Variants in ROR2 observed in about 807,000 individuals in gnomAD.
ROR2 encodes the protein ROR family WNT receptor 2.
Under a neutral mutation model 74.9 loss-of-function variants are expected in ROR2, and 33 were observed. The observed-to-expected ratio is 0.44, with a 90% CI of 0.33 to 0.59. ROR2 has a LOEUF of 0.59. ROR2 is among the 20% of genes least tolerant of loss of function. The probability of loss-of-function intolerance (pLI) is 0.02; values close to 1 mark genes in which losing one functional copy is unlikely to be tolerated. For synonymous variants in ROR2, 586 were observed against 558.7 expected (o/e 1.05, Z -0.69); for missense variants, 1,216 against 1,313.8 (o/e 0.93, Z 1.15).
chr9:91,889,553 C>T (rs1359023595), intron 1 of ROR2, among the ~76,000 whole-genome samples: 5 of 152,210 alleles, frequency 3.3e-5, no homozygotes, highest in Non-Finnish European at 5.9e-5. Context: ...TCACTCTGTA[C>T]AGGCTGCATA....
chr9:91,899,307 G>A (rs118041535), intron 1 of ROR2, among the ~76,000 whole-genome samples: 2,806 of 152,320 alleles, frequency 0.018, 37 homozygotes, highest in Non-Finnish European at 0.029. Context: ...AGCTGAGGCT[G>A]GGCAGTTGTG....
chr9:91,846,957 T>C (rs1828952067), intron 1 of ROR2, among the ~76,000 whole-genome samples: 1 of 152,062 alleles, frequency 6.6e-6, no homozygotes. Context: ...GCCCTTCTGG[T>C]ACCCAGATAA....
intron 1 of ROR2, chr9:91,887,078 G>A (rs1484266806): frequency 2.0e-5 from 3 of 152,174 alleles, no homozygotes; most frequent in Admixed American, 2.0e-4. Flanking sequence ...GCGGTCGAGG[G>A]CCTTGGGTTG....
intron 4 of ROR2, among the ~76,000 whole-genome samples, chr9:91,745,717 G>A (rs527455192): frequency 1.3e-4 from 19 of 151,796 alleles, no homozygotes; most frequent in East Asian, 3.9e-4. Flanking sequence ...TTGAGCCACC[G>A]CGCCCAGCCT....
intron 1 of ROR2, among the ~76,000 whole-genome samples, chr9:91,944,066 G>A (rs1162236803): frequency 6.6e-6 from 1 of 152,082 alleles, no homozygotes; most frequent in East Asian, 1.9e-4. Flanking sequence ...ATACATTCTG[G>A]GAAATGTGTC....
chr9:91,728,379 A>G (rs565986181), intron 7 of ROR2, among the ~76,000 whole-genome samples: 1 of 152,260 alleles, frequency 6.6e-6, no homozygotes, highest in East Asian at 1.9e-4. Context: ...TGGTTTTCTT[A>G]ATTCGAATGT....
chr9:91,839,392 G>T (rs1178906377), intron 1 of ROR2, among the ~76,000 whole-genome samples: 1 of 151,526 alleles, frequency 6.6e-6, no homozygotes. Context: ...TGTATGTGGT[G>T]TGTGTTGTGA....
chr9:91,779,368 C>CTTTTTT (rs57414414), intron 1 of ROR2, among the ~76,000 whole-genome samples: 4 of 133,692 alleles, frequency 3.0e-5, no homozygotes, highest in Non-Finnish European at 4.7e-5. Context: ...TTATACTTTT[C>CTTTTTT]TTTTTTTTTT....
At chr9:91,743,730 C>T (rs1408556774) in intron 4 of ROR2, among the ~76,000 whole-genome samples, 1 of 152,108 alleles carries the variant, frequency 6.6e-6, no homozygotes, top group Non-Finnish European at 1.5e-5. Flanking sequence ...TAAACACAGA[C>T]AATACTAAAG....
In ROR2 at chr9:91,950,032, C is replaced by T. The variant is rs1832133188; in HGVS notation, c.-69G>A. The T allele has an allele frequency of 2.7e-6, 2 of 744,176 alleles. No individual in the cohort carries two copies. The highest frequency in any genetic ancestry group is 3.9e-6 in the Non-Finnish European group (2 of 514,332). The allele number at this position is 744,176 out of a possible 1,614,324, so 46.1% of individuals were successfully genotyped here. A position where few individuals can be genotyped will look rare whatever the true frequency, so the allele number is the denominator to read the frequency against. On this transcript the variant is annotated 5_prime_UTR_variant, in exon 1 of 9. Coordinates refer to ENST00000375708, the MANE Select transcript of ROR2 (RefSeq NM_004560.4). The stretch of plus-strand genomic sequence containing the variant: ...GGGGCGCGGGGTCGGGCGCCACCAC[C>T]CCTTTCTACGATGCGTCCGCTCCTC...
chr9:91,937,126 T>C (rs1831720828), intron 1 of ROR2, among the ~76,000 whole-genome samples: 1 of 151,844 alleles, frequency 6.6e-6, no homozygotes, highest in Admixed American at 6.6e-5. Context: ...AGCTAAAGTA[T>C]TTTTTCAAGA....
intron 2 of ROR2, among the ~76,000 whole-genome samples, chr9:91,758,227 A>G (rs1312434717): frequency 6.6e-6 from 1 of 152,318 alleles, no homozygotes; most frequent in East Asian, 1.9e-4. Flanking sequence ...AAAGCACCGT[A>G]AGTATTGATT....
chr9:91,843,558 G>GA (rs1828843747), intron 1 of ROR2, among the ~76,000 whole-genome samples: 1 of 152,230 alleles, frequency 6.6e-6, no homozygotes, highest in African/African-American at 2.4e-5. Flanking sequence ...TTTGTAAGGA[G>GA]AAAATGGACT....
intron 1 of ROR2, among the ~76,000 whole-genome samples, chr9:91,926,085 A>G (rs1467506662): frequency 7.9e-5 from 12 of 151,124 alleles, no homozygotes; most frequent in Non-Finnish European, 1.6e-4. Context: ...CTCTACTAAA[A>G]AAATACAAAC....
chr9:91,829,734 G>T (rs1324727146), intron 1 of ROR2, among the ~76,000 whole-genome samples: 1 of 152,068 alleles, frequency 6.6e-6, no homozygotes, highest in Admixed American at 6.6e-5. Context: ...CCTTCCTACG[G>T]ATATAACCAA....
chr9:91,845,391 T>C (rs904841052), intron 1 of ROR2, among the ~76,000 whole-genome samples: 2 of 152,078 alleles, frequency 1.3e-5, no homozygotes, highest in Admixed American at 6.6e-5. Flanking sequence ...CAAGAGGATG[T>C]TCAGAGAGAC....
At chr9:91,818,363 T>C (rs557271003) in intron 1 of ROR2, among the ~76,000 whole-genome samples, 1 of 152,268 alleles carries the variant, frequency 6.6e-6, no homozygotes, top group African/African-American at 2.4e-5. Context: ...CACGTATCTT[T>C]TGCAATATCT....
rs1167780367 is a variant in ROR2 at position 91,744,213 on chromosome 9, C to CTTTTTTTT, written c.495-6703_495-6696dup. ...TTGACCCTCCACAGAAATTTGTTAA[C>CTTTTTTTT]TTTTTTTTTTTTTTTTTTTTTTTTG... On this transcript the variant is annotated intron_variant, in intron 4 of 8. Transcript: ENST00000375708. 1.0e-3 allele frequency among the ~76,000 whole-genome samples: 89 copies of CTTTTTTTT among 89,076 alleles called. 2 individuals are homozygous for CTTTTTTTT. The highest frequency in any genetic ancestry group is 1.2e-3 in the Admixed American group (7 of 5,676). 58.4% of individuals were successfully genotyped at this position (89,076 alleles called of 152,430 possible).
intron 1 of ROR2, among the ~76,000 whole-genome samples, chr9:91,940,665 G>A (rs985721783): frequency 2.0e-5 from 3 of 147,464 alleles, no homozygotes; most frequent in Admixed American, 6.8e-5. Context: ...CTCGATCTCC[G>A]CTCACTGTGA....
Sources: allele counts gnomAD v4.1 joint callset (sites outside exome capture counted in the v4.1 genomes callset), GRCh38; gene constraint gnomAD v4.1.1; transcripts MANE v1.5; gene names NCBI Gene and HGNC (gene_info 2026-07-23, HGNC 2026-07-21).